Variants in TLE1 observed in about 807,000 individuals in gnomAD.
TLE1 encodes the protein TLE family member 1, transcriptional corepressor.
In TLE1, 21 loss-of-function variants were observed where a neutral mutation model predicts 89.8. The observed-to-expected ratio is 0.23, with a 90% CI of 0.17 to 0.34. TLE1 has a LOEUF of 0.34. TLE1 is among the 10% of genes least tolerant of loss of function. TLE1 has a pLI of 1.00. For missense variants in TLE1, 795 were observed against 1,031.2 expected (o/e 0.77, Z 3.14); for synonymous variants, 447 against 407.6 (o/e 1.10, Z -1.16).
At chr9:81,585,086 T>C (rs995492588) in intron 18 of TLE1, among the ~76,000 whole-genome samples, 7 of 152,144 alleles carry the variant, frequency 4.6e-5, no homozygotes, top group Admixed American at 2.6e-4. Flanking sequence ...TCATCCTCAC[T>C]GTAGAGTAGA....
intron 6 of TLE1, among the ~76,000 whole-genome samples, chr9:81,651,075 T>C (rs1444788431): frequency 6.6e-6 from 1 of 152,162 alleles, no homozygotes; most frequent in Non-Finnish European, 1.5e-5. Flanking sequence ...CTGGTTCCAT[T>C]GTCTGTGGCC....
Position 81,689,130 on chromosome 9 carries a change from G to A in TLE1, c.-890C>T, listed in dbSNP as rs1834726018. On this transcript the variant is annotated 5_prime_UTR_variant, in exon 1 of 20. Coordinates refer to ENST00000376499, the MANE Select transcript of TLE1 (RefSeq NM_005077.5). ...CGGCCGCTCCGGACCCTTCTTCCGA[G>A]CTCCTTCTTCCTCGGTCTTCTTTCT... 1.3e-5 allele frequency: 2 copies of A among 152,418 alleles called. No individual in the cohort carries two copies. Among genetic ancestry groups the A allele is most frequent in the South Asian group, 2.1e-4 (1 of 4,840 alleles). The allele number at this position is 152,418 out of a possible 1,614,324, so 9.4% of individuals were successfully genotyped here.
At chr9:81,587,394 A>G (rs1828659290) in intron 17 of TLE1, among the ~76,000 whole-genome samples, 1 of 152,224 alleles carries the variant, frequency 6.6e-6, no homozygotes, top group Non-Finnish European at 1.5e-5. Flanking sequence ...GGAAAACTAT[A>G]CATTCTTCAA....
At chr9:81,652,328 A>C in intron 5 of TLE1, 40 bp from the exon 6 acceptor site, 1 of 1,569,276 alleles carries the variant, frequency 6.4e-7, no homozygotes, top group East Asian at 2.2e-5. Context: ...AGCAACAGCC[A>C]AAAACTTCAC....
In TLE1 at chr9:81,675,511, T is replaced by C. The variant is rs1199079553; in HGVS notation, c.234+10165A>G. 2.6e-5 allele frequency among the ~76,000 whole-genome samples: 4 copies of C among 152,228 alleles called. No homozygotes were observed. In the East Asian group the frequency reaches 7.7e-4, roughly 29 times the overall value. ...ACCTAGGCCCCAGCAACATGCTAGTTTTGTTTATCTCTCTTTTTTAGTCCA... is the reference window on the plus strand; with the variant it reads ...ACCTAGGCCCCAGCAACATGCTAGTCTTGTTTATCTCTCTTTTTTAGTCCA... On this transcript the variant is annotated intron_variant, in intron 4 of 19. Coordinates refer to ENST00000376499, the MANE Select transcript of TLE1 (RefSeq NM_005077.5).
At position 81,688,234 on chromosome 9, in the gene TLE1, G is replaced by A. The variant is rs779079216; in HGVS notation, c.7C>T (p.Pro3Ser). 12 of 1,592,928 alleles carry A rather than the reference G, an allele frequency of 7.5e-6. No homozygotes were observed. The Admixed American group carries it at 2.1e-4, about 28-fold the overall frequency. ...CGCCTCACCGGGTGCCGGCTCTGCG[G>A]GAACATCGCTCTGGCGGCGGCCGGG... MF[P>S]QSRHPTPHQA... The change falls in exon 1 of 20, where the codon CCG becomes TCG. Residue 3 changes from proline to serine, a missense_variant. This residue lies in a region of TLE1 where 47 missense variants were observed against 48.5 expected (regional missense o/e 0.97). Transcript: ENST00000376499.
chr9:81,589,172 C>G (rs933494745), intron 16 of TLE1, among the ~76,000 whole-genome samples: 1 of 152,152 alleles, frequency 6.6e-6, no homozygotes, highest in Non-Finnish European at 1.5e-5. Flanking sequence ...TGCTTTCCTT[C>G]CCTTCAAACA....
chr9:81,661,220 ATC>A (rs1050592972), intron 4 of TLE1, among the ~76,000 whole-genome samples: 6 of 123,530 alleles, frequency 4.9e-5, no homozygotes, highest in Admixed American at 2.4e-4. Context: ...ATATATATAT[ATC>A]TTTTTTTCAA....
intron 14 of TLE1, among the ~76,000 whole-genome samples, chr9:81,597,507 A>T (rs1539377): frequency 0.43 from 65,996 of 151,922 alleles, 14,751 homozygotes; most frequent in African/African-American, 0.47. Flanking sequence ...AAGAGTAGAG[A>T]TGGACGTTTG....
chr9:81,599,111 A>G (rs755914825), intron 14 of TLE1, among the ~76,000 whole-genome samples: 1 of 152,240 alleles, frequency 6.6e-6, no homozygotes, highest in Admixed American at 6.5e-5. Flanking sequence ...ATGAAGCCAC[A>G]TGGGAAAGTA....
intron 4 of TLE1, among the ~76,000 whole-genome samples, chr9:81,668,937 G>A (rs1471186538): frequency 6.6e-6 from 1 of 151,916 alleles, no homozygotes; most frequent in Non-Finnish European, 1.5e-5. Flanking sequence ...GCTCCTGTGT[G>A]TTTTTAGAAA....
At chr9:81,613,324 CA>C (rs563110575) in intron 12 of TLE1, 52 bp downstream of exon 12, 441 of 1,593,696 alleles carry the variant, frequency 2.8e-4, no homozygotes, top group Non-Finnish European at 3.6e-4. Context: ...GACAACAAAT[CA>C]AGCTGGGAAT....
chr9:81,631,329 A>AAAGAC (rs1269395324), intron 8 of TLE1, among the ~76,000 whole-genome samples: 1 of 152,250 alleles, frequency 6.6e-6, no homozygotes, highest in Non-Finnish European at 1.5e-5. Context: ...GGAAATTCAG[A>AAAGAC]AAGACACAGA....
chr9:81,612,174 C>T (rs900460308), intron 12 of TLE1: 28 of 655,582 alleles, frequency 4.3e-5, no homozygotes, highest in Non-Finnish European at 5.6e-5. Context: ...CCAGGGGAAG[C>T]ACAACCCACA....
chr9:81,593,370 A>G, intron 14 of TLE1, 96 bp from the exon 15 acceptor site: 3 of 1,412,252 alleles, frequency 2.1e-6, no homozygotes, highest in Non-Finnish European at 9.4e-7. Flanking sequence ...AAAAGATGAA[A>G]AAAAGGAAAG....
intron 6 of TLE1, among the ~76,000 whole-genome samples, chr9:81,640,450 C>G (rs1330142784): frequency 6.6e-6 from 1 of 151,470 alleles, no homozygotes; most frequent in Non-Finnish European, 1.5e-5. Context: ...AAGGACTACA[C>G]TGGGAAATTT....
intron 14 of TLE1, 103 bp from the exon 15 acceptor site, chr9:81,593,377 A>G (rs1829809616): frequency 2.9e-6 from 4 of 1,396,238 alleles, no homozygotes; most frequent in South Asian, 3.0e-5. Flanking sequence ...GAAAAAAAGG[A>G]AAGATTCTCT....
chr9:81,685,476 C>G (rs1834144393), intron 4 of TLE1, among the ~76,000 whole-genome samples, 200 bp downstream of exon 4: 1 of 152,162 alleles, frequency 6.6e-6, no homozygotes, highest in Admixed American at 6.5e-5. Flanking sequence ...TCTCCCTCTC[C>G]TAGTCATTTA....
intron 7 of TLE1, chr9:81,633,721 T>C (rs1198039292): frequency 2.1e-6 from 1 of 475,466 alleles, no homozygotes; most frequent in African/African-American, 1.9e-5. Context: ...ATCAAACCTT[T>C]CATTTGAACA....
Sources: gnomAD v4.1 joint callset for allele counts (sites outside exome capture counted in the v4.1 genomes callset) on GRCh38, gnomAD v4.1.1 for gene constraint, gnomAD v4.1.1 regional missense constraint, MANE v1.5 for transcripts, NCBI Gene and HGNC (gene_info 2026-07-23, HGNC 2026-07-21) for gene names.